OPHN1: variants seen among roughly 807,000 people sequenced by gnomAD.
OPHN1 encodes the protein oligophrenin 1, also known as oligophrenin-1.
In OPHN1, 11 loss-of-function variants were observed where a neutral mutation model predicts 60.7. That is an observed-to-expected ratio of 0.18 (90% CI 0.11 to 0.30). The LOEUF is 0.30. Ranked by LOEUF, OPHN1 falls within the 10% of genes least tolerant of loss-of-function variation. The pLI is 1.00. For missense variants in OPHN1, 449 were observed against 611.0 expected (o/e 0.73, Z 2.80); for synonymous variants, 226 against 222.6 (o/e 1.02, Z -0.14).
intron 2 of OPHN1, among the ~76,000 whole-genome samples, chrX:68,416,825 C>T (rs1047155666): frequency 2.7e-5 from 3 of 112,396 alleles, no homozygotes; most frequent in East Asian, 2.8e-4. Context: ...GTTGCACAGC[C>T]TGTTTTAGTC....
intron 15 of OPHN1, among the ~76,000 whole-genome samples, chrX:68,143,097 C>A (rs1010873523): frequency 3.6e-5 from 4 of 111,562 alleles, no homozygotes; most frequent in Non-Finnish European, 5.6e-5. Flanking sequence ...GATTCTGGAA[C>A]CCCCAAGGGC....
intron 18 of OPHN1, among the ~76,000 whole-genome samples, chrX:68,108,487 T>G (rs2077090692): frequency 8.9e-6 from 1 of 112,127 alleles, no homozygotes; most frequent in Non-Finnish European, 1.9e-5. Flanking sequence ...TTAAAATTTT[T>G]TTTCCTTATG....
At chrX:68,083,133 C>T (rs1276151290) in intron 19 of OPHN1, among the ~76,000 whole-genome samples, 1 of 80,539 alleles carries the variant, frequency 1.2e-5, no homozygotes, top group African/African-American at 4.7e-5. Context: ...ACTGCAGTGG[C>T]GCAATCTCGG....
At chrX:68,086,793 T>C (rs927005252) in intron 19 of OPHN1, among the ~76,000 whole-genome samples, 2 of 111,258 alleles carry the variant, frequency 1.8e-5, no homozygotes, top group Non-Finnish European at 3.8e-5. Context: ...AAAAATTAAG[T>C]AGGAATTCCT....
intron 8 of OPHN1, 61 bp from the exon 9 acceptor site, chrX:68,210,343 C>A (rs1358141665): frequency 8.0e-6 from 9 of 1,123,179 alleles, no homozygotes; most frequent in East Asian, 6.1e-5. Context: ...AAAAGTATTT[C>A]TTGGTCAGAG....
intron 5 of OPHN1, among the ~76,000 whole-genome samples, chrX:68,268,978 C>T (rs1283155172): frequency 1.8e-5 from 2 of 111,222 alleles, no homozygotes; most frequent in Non-Finnish European, 3.8e-5. Context: ...GAGTGAACTC[C>T]CATTCACAAT....
intron 8 of OPHN1, among the ~76,000 whole-genome samples, chrX:68,211,181 A>T (rs73530458): frequency 0.02 from 1,752 of 88,256 alleles, 39 homozygotes; most frequent in African/African-American, 0.067. Context: ...CAACAACTGT[A>T]AATCCCAATC....
At chrX:68,208,018 CCTTTCTTTCCTTT>C (rs1214859852) in intron 9 of OPHN1, among the ~76,000 whole-genome samples, 9 of 109,962 alleles carry the variant, frequency 8.2e-5, no homozygotes, top group Middle Eastern at 4.2e-3. Context: ...TTCTTTCTTT[CCTTTCTTTCCTTT>C]CTTTCTTTCC....
At chrX:68,252,234 A>G (rs1344438664) in intron 5 of OPHN1, among the ~76,000 whole-genome samples, 1 of 112,359 alleles carries the variant, frequency 8.9e-6, no homozygotes, top group African/African-American at 3.2e-5. Context: ...CAGCCAACCC[A>G]TAGATGTGTG....
intron 9 of OPHN1, 135 bp downstream of exon 9, chrX:68,210,018 C>A: frequency 3.3e-6 from 2 of 609,997 alleles, no homozygotes; most frequent in Non-Finnish European, 5.3e-6. Context: ...TTTCAGTATT[C>A]CCTGCCTGCG....
chrX:68,351,630 C>A (rs1237607123), intron 2 of OPHN1, among the ~76,000 whole-genome samples: 1 of 111,720 alleles, frequency 9.0e-6, no homozygotes, highest in Non-Finnish European at 1.9e-5. Flanking sequence ...ATCTCTCCAT[C>A]CCCTGGGTCT....
At chrX:68,148,656 C>A (rs931798243) in intron 15 of OPHN1, among the ~76,000 whole-genome samples, 1 of 110,830 alleles carries the variant, frequency 9.0e-6, no homozygotes, top group South Asian at 3.8e-4. Context: ...TTCAAAGTAG[C>A]CGTAAAGAGC....
intron 5 of OPHN1, 150 bp from the exon 6 acceptor site, chrX:68,234,738 G>C (rs2077744632): frequency 4.1e-6 from 2 of 482,386 alleles, no homozygotes; most frequent in Middle Eastern, 5.7e-4. Context: ...AATTAACTTT[G>C]TATTGGTCTC....
At chrX:68,082,088 G>A (rs911501652) in intron 19 of OPHN1, among the ~76,000 whole-genome samples, 3 of 111,460 alleles carry the variant, frequency 2.7e-5, no homozygotes, top group African/African-American at 9.8e-5. Context: ...CTCATCCATT[G>A]AACTTTTATC....
intron 2 of OPHN1, among the ~76,000 whole-genome samples, chrX:68,410,284 C>G (rs747307045): frequency 8.1e-5 from 9 of 110,902 alleles, no homozygotes; most frequent in Non-Finnish European, 1.5e-4. Flanking sequence ...AATATAAGAC[C>G]AAGGTGCCGG....
At chrX:68,086,266 G>C (rs1193232671) in intron 19 of OPHN1, among the ~76,000 whole-genome samples, 1 of 110,499 alleles carries the variant, frequency 9.0e-6, no homozygotes. Flanking sequence ...ATACTAGGTG[G>C]CACAGGATGC....
intron 19 of OPHN1, among the ~76,000 whole-genome samples, chrX:68,087,723 C>T (rs12833064): frequency 9.0e-6 from 1 of 111,681 alleles, no homozygotes; most frequent in Non-Finnish European, 1.9e-5. Context: ...CAAGACTTGG[C>T]CCTGATGAAT....
chrX:68,286,059 T>TC (rs2078039871), intron 3 of OPHN1, among the ~76,000 whole-genome samples: 1 of 111,299 alleles, frequency 9.0e-6, no homozygotes, highest in Admixed American at 9.6e-5. Flanking sequence ...TTGCTTTTTT[T>TC]CCCTTGTTCA....
intron 19 of OPHN1, among the ~76,000 whole-genome samples, chrX:68,087,648 C>T (rs890405094): frequency 1.8e-5 from 2 of 111,860 alleles, no homozygotes; most frequent in South Asian, 3.7e-4. Context: ...TTCCAGATGT[C>T]GCTTCAGGGC....
Sources: allele counts gnomAD v4.1 joint callset (sites outside exome capture counted in the v4.1 genomes callset), GRCh38; gene constraint gnomAD v4.1.1; transcripts MANE v1.5; gene names NCBI Gene and HGNC (gene_info 2026-07-23, HGNC 2026-07-21).